PDE1C: variants seen among roughly 807,000 people sequenced by gnomAD.
PDE1C encodes phosphodiesterase 1C.
A neutral mutation model predicts 93.1 loss-of-function variants in PDE1C; 62 were observed. The observed-to-expected ratio is 0.67, with a 90% CI of 0.54 to 0.82. The LOEUF (loss-of-function observed/expected upper bound fraction) is 0.82. Ranked by LOEUF, PDE1C falls within the 40% of genes least tolerant of loss-of-function variation. PDE1C has a pLI of 0.00. For missense variants in PDE1C, 742 were observed against 884.6 expected, an observed-to-expected ratio of 0.84 and a Z score of 2.04; for synonymous variants, 325 against 310.1, an observed-to-expected ratio of 1.05 and a Z score of -0.50.
At chr7:31,638,122 T>C in the PDE1C span, among the ~76,000 whole-genome samples, 1 of 152,172 alleles carries the variant, frequency 6.6e-6, no homozygotes, top group South Asian at 2.1e-4. Flanking sequence ...AAGTTCTGCA[T>C]TGAGCTTTTG....
At chr7:31,679,093 T>C in the PDE1C span, among the ~76,000 whole-genome samples, 3 of 152,188 alleles carry the variant, frequency 2.0e-5, no homozygotes, top group African/African-American at 7.2e-5. Context: ...TTTGTAAATA[T>C]AGCTTGGAGG....
chr7:31,673,568 T>C, the PDE1C span, among the ~76,000 whole-genome samples: 12 of 152,336 alleles, frequency 7.9e-5, no homozygotes, highest in South Asian at 2.3e-3. Flanking sequence ...AACTATCATT[T>C]TTATGACCTC....
the PDE1C span, among the ~76,000 whole-genome samples, chr7:31,720,984 G>A: frequency 2.6e-5 from 4 of 152,272 alleles, no homozygotes; most frequent in South Asian, 2.1e-4. Flanking sequence ...GCCACAAGAG[G>A]TTTAAAAACA....
chr7:32,282,302 C>T (rs1811692004), intron 1 of PDE1C, among the ~76,000 whole-genome samples: 2 of 151,652 alleles, frequency 1.3e-5, no homozygotes, highest in Admixed American at 1.3e-4. Context: ...CATGGAGAAA[C>T]CCTGTCTCTA....
intron 1 of PDE1C, among the ~76,000 whole-genome samples, chr7:32,394,223 G>T (rs1034829505): frequency 6.6e-6 from 1 of 152,208 alleles, no homozygotes; most frequent in African/African-American, 2.4e-5. Flanking sequence ...AACAATACAG[G>T]ATTATCTGGA....
At chr7:31,653,034 G>T in the PDE1C span, 7 of 1,322,732 alleles carry the variant, frequency 5.3e-6, no homozygotes, top group South Asian at 1.2e-4. Context: ...CCTAGTATGT[G>T]CCTGGCACAG....
chr7:31,958,194 T>C (rs1808422704), intron 2 of PDE1C, among the ~76,000 whole-genome samples: 1 of 152,232 alleles, frequency 6.6e-6, no homozygotes, highest in East Asian at 1.9e-4. Context: ...TTGACCTCAG[T>C]TTCCGCTTCC....
chr7:31,878,063 A>C, intron 4 of PDE1C, 27 bp from the exon 5 acceptor site: 1 of 1,518,706 alleles, frequency 6.6e-7, no homozygotes, highest in Non-Finnish European at 9.1e-7. Flanking sequence ...GAAAAATGCA[A>C]CATGATATCT....
chr7:32,065,490 C>T (rs780317830), intron 1 of PDE1C, among the ~76,000 whole-genome samples: 28 of 152,208 alleles, frequency 1.8e-4, no homozygotes, highest in Non-Finnish European at 3.8e-4. Context: ...TCCTTCGCAT[C>T]CCCCTGGAAC....
intron 3 of PDE1C, among the ~76,000 whole-genome samples, chr7:32,146,494 T>C (rs1176796962): frequency 6.6e-6 from 1 of 152,178 alleles, no homozygotes; most frequent in Non-Finnish European, 1.5e-5. Context: ...TTCAGATCTC[T>C]ATCTGGCTAT....
At chr7:32,421,214 C>G (rs1043985423) in intron 1 of PDE1C, among the ~76,000 whole-genome samples, 1 of 152,160 alleles carries the variant, frequency 6.6e-6, no homozygotes, top group East Asian at 1.9e-4. Flanking sequence ...GATCTAGGGC[C>G]TGAACCCTCT....
rs541650332 is a variant in PDE1C, at chr7:32,419,875, G to A, written c.310+7947C>T. 1.0e-3 allele frequency among the ~76,000 whole-genome samples: 157 copies of A among 151,334 alleles called. 3 individuals carry two copies. In the South Asian group the frequency reaches 0.033, roughly 31 times the overall value. Reference sequence around the variant, plus strand: ...CTAATCCTAACTCATCCTGTCCGCTGTGTGACCAGAGCAAGTCCTGGCACT... The same window carrying A: ...CTAATCCTAACTCATCCTGTCCGCTATGTGACCAGAGCAAGTCCTGGCACT... On this transcript the variant is annotated intron_variant, in intron 1 of 1. Transcript: ENST00000672256.
intron 2 of PDE1C, among the ~76,000 whole-genome samples, chr7:32,191,621 T>C (rs1427173440): frequency 6.6e-6 from 1 of 152,188 alleles, no homozygotes; most frequent in Admixed American, 6.5e-5. Flanking sequence ...CATTCATCTG[T>C]TAGAATACAT....
chr7:32,355,004 A>G (rs1402815067), intron 1 of PDE1C, among the ~76,000 whole-genome samples: 3 of 152,132 alleles, frequency 2.0e-5, no homozygotes, highest in Non-Finnish European at 4.4e-5. Flanking sequence ...AGAGCTTGGC[A>G]CCTGGTCGCT....
chr7:32,061,010 ACTC>A lies in PDE1C; in HGVS notation c.101+9280_101+9282del, dbSNP rs762747778. Among the ~76,000 whole-genome samples, 13 of 152,028 alleles carry A rather than the reference ACTC, an allele frequency of 8.6e-5. 3 individuals carry two copies. Among genetic ancestry groups the A allele is most frequent in the Admixed American group, 6.5e-5 (1 of 15,280 alleles). On this transcript the variant is annotated intron_variant, in intron 1 of 17. Coordinates refer to ENST00000396191, the MANE Select transcript of PDE1C (RefSeq NM_001191057.4). ...CAGGATGTCAGTCGGAATTTGAACT[ACTC>A]CTAAAACATCTGGAAGGAGCTTTCA...
At chr7:31,644,796 TAG>T in the PDE1C span, among the ~76,000 whole-genome samples, 268 of 152,312 alleles carry the variant, frequency 1.8e-3, 1 homozygote, top group African/African-American at 6.1e-3. Flanking sequence ...ACCACTTGTA[TAG>T]AGAGTTGAAA....
intron 2 of PDE1C, among the ~76,000 whole-genome samples, chr7:31,957,167 T>A (rs1808260071): frequency 6.7e-6 from 1 of 149,572 alleles, no homozygotes; most frequent in African/African-American, 2.5e-5. Flanking sequence ...AGTCTTACAT[T>A]TCATACTAGA....
intron 2 of PDE1C, among the ~76,000 whole-genome samples, chr7:32,013,905 T>G (rs1056039344): frequency 6.6e-6 from 1 of 152,250 alleles, no homozygotes; most frequent in African/African-American, 2.4e-5. Flanking sequence ...CTTCCTCAAC[T>G]GCAGTTGGTA....
chr7:32,311,173 A>G (rs930295534), intron 1 of PDE1C, among the ~76,000 whole-genome samples: 8 of 152,136 alleles, frequency 5.3e-5, no homozygotes, highest in Non-Finnish European at 7.4e-5. Context: ...TAAATTCCTC[A>G]ACACATACAC....
Sources: gnomAD v4.1 joint callset for allele counts (sites outside exome capture counted in the v4.1 genomes callset) on GRCh38, gnomAD v4.1.1 for gene constraint, MANE v1.5 for transcripts, NCBI Gene and HGNC (gene_info 2026-07-23, HGNC 2026-07-21) for gene names.